The following MS4A4A variants were observed in gnomAD, a reference collection of about 807,000 sequenced individuals.
MS4A4A encodes membrane spanning 4-domains A4A, also known as membrane-spanning 4-domains subfamily A member 4A.
MS4A4A carries 26 observed loss-of-function variants against 28.0 expected under a neutral mutation model. The ratio of observed to expected loss-of-function variants is 0.93; its 90% CI spans 0.68 to 1.29. The LOEUF is 1.29. MS4A4A is among the 50% of genes most tolerant of loss of function. The pLI is 0.00. For synonymous variants in MS4A4A, 86 were observed against 100.8 expected (o/e 0.85, Z 0.88); for missense variants, 290 against 293.1 (o/e 0.99, Z 0.08).
intron 2 of MS4A4A, among the ~76,000 whole-genome samples, chr11:60,294,994 ATTT>A (rs1373307527): frequency 7.0e-6 from 1 of 142,134 alleles, no homozygotes; most frequent in Admixed American, 7.2e-5. Flanking sequence ...TTCCTTATAA[ATTT>A]TAGAGTCAGT....
rs112296867 is a variant in MS4A4A at position 60,300,330 on chromosome 11, A to T, written c.331-671A>T. ...TACTATTTTGCTTATAAGTTTAAAA[A>T]TATTGGCCGGGCGCAGTGGCTCACG... On this transcript the variant is annotated intron_variant, in intron 3 of 6. Coordinates refer to ENST00000337908, the MANE Select transcript of MS4A4A (RefSeq NM_148975.3). Among the ~76,000 whole-genome samples, 556 of 152,210 alleles carry T rather than the reference A, an allele frequency of 3.7e-3. 3 individuals are homozygous for T. The highest frequency in any genetic ancestry group is 0.013 in the African/African-American group (546 of 41,532).
At chr11:60,297,702 G>A (rs1178882642) in intron 3 of MS4A4A, among the ~76,000 whole-genome samples, 1 of 152,142 alleles carries the variant, frequency 6.6e-6, no homozygotes, top group African/African-American at 2.4e-5. Flanking sequence ...CCACATCAGA[G>A]GGGAGATGGT....
Position 60,308,304 on chromosome 11 carries a change from T to C in MS4A4A, c.*126T>C, listed in dbSNP as rs2085024112. 2 of 786,128 alleles carry C rather than the reference T, an allele frequency of 2.5e-6. No individual in the cohort carries two copies. Among genetic ancestry groups the C allele is most frequent in the East Asian group, 5.3e-5 (2 of 37,760 alleles). The allele number at this position is 786,128 out of a possible 1,614,324, so 48.7% of individuals were successfully genotyped here. On this transcript the variant is annotated 3_prime_UTR_variant, in exon 7 of 7. Coordinates refer to ENST00000337908, the MANE Select transcript of MS4A4A (RefSeq NM_148975.3). ...TAGACTTGTTGATATTATTATTATA[T>C]GTAATCCAATTATGAACTGTGTGTG...
intron 1 of MS4A4A, among the ~76,000 whole-genome samples, chr11:60,289,686 A>G (rs1436032691): frequency 6.6e-6 from 1 of 151,650 alleles, no homozygotes; most frequent in Non-Finnish European, 1.5e-5. Flanking sequence ...TTAGAATTCT[A>G]ATCAGACATA....
intron 3 of MS4A4A, among the ~76,000 whole-genome samples, chr11:60,298,804 C>T (rs923496339): frequency 2.0e-5 from 3 of 152,236 alleles, no homozygotes; most frequent in Admixed American, 6.5e-5. Context: ...CTGAGACTTT[C>T]GTAGGTGTTC....
intron 3 of MS4A4A, 37 bp from the exon 4 acceptor site, chr11:60,300,964 T>G (rs2084948318): frequency 6.6e-7 from 1 of 1,514,720 alleles, no homozygotes; most frequent in Non-Finnish European, 9.0e-7. Flanking sequence ...AATACTGGCT[T>G]AAAGTTTTTT....
At chr11:60,299,794 G>T (rs935911560) in intron 3 of MS4A4A, among the ~76,000 whole-genome samples, 1 of 152,154 alleles carries the variant, frequency 6.6e-6, no homozygotes. Flanking sequence ...TAATGTTGCA[G>T]TTACTAATAA....
intron 5 of MS4A4A, among the ~76,000 whole-genome samples, chr11:60,305,050 C>A (rs2084985939): frequency 6.6e-6 from 1 of 152,142 alleles, no homozygotes; most frequent in Admixed American, 6.6e-5. Context: ...AGGGACTATC[C>A]CTAACCATGG....
At chr11:60,282,274 G>A (rs1344932407) in intron 1 of MS4A4A, among the ~76,000 whole-genome samples, 2 of 152,170 alleles carry the variant, frequency 1.3e-5, no homozygotes, top group African/African-American at 4.8e-5. Context: ...GACCCAACAT[G>A]TCCTAAATTC....
intron 3 of MS4A4A, 96 bp downstream of exon 3, chr11:60,297,421 C>T: frequency 7.1e-7 from 1 of 1,404,236 alleles, no homozygotes; most frequent in Non-Finnish European, 9.7e-7. Flanking sequence ...TCTTGTAATT[C>T]TGTAAATCTG....
intron 3 of MS4A4A, among the ~76,000 whole-genome samples, chr11:60,299,727 C>G (rs977242256): frequency 3.3e-5 from 5 of 152,172 alleles, no homozygotes; most frequent in Admixed American, 3.3e-4. Flanking sequence ...TCCCAAAGTG[C>G]TGGGATTACA....
At chr11:60,292,974 A>G (rs1404990804) in intron 2 of MS4A4A, among the ~76,000 whole-genome samples, 5 of 151,876 alleles carry the variant, frequency 3.3e-5, no homozygotes, top group African/African-American at 4.8e-5. Context: ...CACATTATTC[A>G]TTTTCTGGAG....
intron 1 of MS4A4A, among the ~76,000 whole-genome samples, chr11:60,288,943 G>C (rs932799554): frequency 6.6e-6 from 1 of 152,138 alleles, no homozygotes; most frequent in South Asian, 2.1e-4. Context: ...CACAGTTTCA[G>C]CTTGAATTTG....
chr11:60,290,293 A>T, intron 1 of MS4A4A: 1 of 171,630 alleles, frequency 5.8e-6, no homozygotes, highest in Non-Finnish European at 1.3e-5. Context: ...TGATAAGTAT[A>T]CTCTGAAATC....
At chr11:60,282,676 T>C (rs1240548413) in intron 1 of MS4A4A, 5 of 1,284,936 alleles carry the variant, frequency 3.9e-6, no homozygotes, top group African/African-American at 1.5e-5. Context: ...ATTACGTCTT[T>C]GGAACAACTT....
chr11:60,296,924 C>A, intron 2 of MS4A4A: 1 of 364,042 alleles, frequency 2.7e-6, no homozygotes, highest in Admixed American at 4.6e-5. Context: ...GTAGAAGTAA[C>A]ATCGTAGGTA....
intron 6 of MS4A4A, 106 bp from the exon 7 acceptor site, chr11:60,308,001 G>A (rs2085019799): frequency 5.1e-6 from 5 of 984,348 alleles, no homozygotes; most frequent in African/African-American, 3.2e-5. Context: ...GAATGAATCA[G>A]AGAAGAAAAG....
intron 4 of MS4A4A, 23 bp from the exon 5 acceptor site, chr11:60,302,536 A>T: frequency 1.1e-5 from 18 of 1,611,876 alleles, no homozygotes; most frequent in Non-Finnish European, 1.5e-5. Context: ...TGGATTGTTT[A>T]ATTGATTTTC....
intron 3 of MS4A4A, among the ~76,000 whole-genome samples, chr11:60,300,034 C>T (rs2084938323): frequency 6.6e-6 from 1 of 152,126 alleles, no homozygotes; most frequent in Non-Finnish European, 1.5e-5. Flanking sequence ...TATCATGAAT[C>T]ATCTCTATGT....
Sources: gnomAD v4.1 joint callset for allele counts (sites outside exome capture counted in the v4.1 genomes callset) on GRCh38, gnomAD v4.1.1 for gene constraint, MANE v1.5 for transcripts, NCBI Gene and HGNC (gene_info 2026-07-23, HGNC 2026-07-21) for gene names.